MOB3B: variants seen among roughly 807,000 people sequenced by gnomAD.
MOB3B encodes the protein MOB kinase activator 3B, also known as MOB kinase activator-like 2B.
A neutral mutation model predicts 18.7 loss-of-function variants in MOB3B; 7 were observed. The ratio of observed to expected loss-of-function variants is 0.37; its 90% CI spans 0.21 to 0.70. The LOEUF (loss-of-function observed/expected upper bound fraction) is 0.70, where lower values mean the gene tolerates loss of function less well. Among genes scored for constraint, MOB3B ranks in the 30% least tolerant of loss-of-function variants. The pLI, the probability that MOB3B is intolerant of heterozygous loss-of-function variation, is 0.52. For synonymous variants in MOB3B, 111 were observed against 99.9 expected (o/e 1.11, Z -0.66); for missense variants, 253 against 281.3 (o/e 0.90, Z 0.72).
At chr9:27,410,756 T>C (rs1179073865) in intron 2 of MOB3B, among the ~76,000 whole-genome samples, 2 of 152,200 alleles carry the variant, frequency 1.3e-5, no homozygotes, top group Non-Finnish European at 2.9e-5. Flanking sequence ...AGTTATTCTT[T>C]TTTTTTCTGA....
intron 3 of MOB3B, among the ~76,000 whole-genome samples, chr9:27,337,280 T>C (rs560326583): frequency 4.0e-4 from 61 of 152,370 alleles, no homozygotes; most frequent in African/African-American, 1.4e-3. Flanking sequence ...CAAATTCCAC[T>C]TCTTAGAGAC....
intron 3 of MOB3B, chr9:27,358,821 C>T (rs1821229732): frequency 1.3e-6 from 1 of 744,128 alleles, no homozygotes; most frequent in South Asian, 1.4e-5. Flanking sequence ...ATTCTGCCAC[C>T]TCTTGGAGGG....
intron 1 of MOB3B, among the ~76,000 whole-genome samples, chr9:27,492,431 T>A (rs1316047138): frequency 6.6e-6 from 1 of 152,170 alleles, no homozygotes; most frequent in Non-Finnish European, 1.5e-5. Flanking sequence ...CAAAATGTAT[T>A]CCACAGCAAA....
At chr9:27,403,614 C>A (rs1821920073) in intron 2 of MOB3B, among the ~76,000 whole-genome samples, 1 of 146,802 alleles carries the variant, frequency 6.8e-6, no homozygotes, top group Non-Finnish European at 1.5e-5. Flanking sequence ...CTCACTGCAA[C>A]CTCCACCTCC....
intron 2 of MOB3B, among the ~76,000 whole-genome samples, chr9:27,386,498 C>G (rs1587173280): frequency 1.3e-5 from 2 of 152,218 alleles, no homozygotes; most frequent in South Asian, 4.1e-4. Flanking sequence ...TTCTCAGGAA[C>G]AGCACGAATA....
At chr9:27,410,646 C>T (rs1173269832) in intron 2 of MOB3B, among the ~76,000 whole-genome samples, 1 of 152,178 alleles carries the variant, frequency 6.6e-6, no homozygotes, top group East Asian at 1.9e-4. Flanking sequence ...TTTCCAACAA[C>T]ACTTGCTAAT....
chr9:27,350,903 T>A (rs1416747168), intron 3 of MOB3B, among the ~76,000 whole-genome samples: 1 of 148,932 alleles, frequency 6.7e-6, no homozygotes, highest in African/African-American at 2.4e-5. Flanking sequence ...TGGTGGGCTT[T>A]TTTTTTTTTT....
At chr9:27,442,876 A>T (rs932811993) in intron 2 of MOB3B, among the ~76,000 whole-genome samples, 7 of 152,200 alleles carry the variant, frequency 4.6e-5, no homozygotes, top group African/African-American at 1.7e-4. Context: ...GGCCTGTCTC[A>T]TCTGCTACCA....
intron 2 of MOB3B, among the ~76,000 whole-genome samples, chr9:27,385,733 G>A (rs1294842583): frequency 6.6e-6 from 1 of 152,218 alleles, no homozygotes; most frequent in Non-Finnish European, 1.5e-5. Flanking sequence ...TTCTGGCAGA[G>A]AAAACACACT....
chr9:27,382,945 A>G (rs1821599963), intron 2 of MOB3B, among the ~76,000 whole-genome samples: 1 of 152,154 alleles, frequency 6.6e-6, no homozygotes, highest in African/African-American at 2.4e-5. Flanking sequence ...GAAACAAATA[A>G]AACTAACAAG....
At chr9:27,414,365 C>CG (rs1822115876) in intron 2 of MOB3B, among the ~76,000 whole-genome samples, 1 of 152,144 alleles carries the variant, frequency 6.6e-6, no homozygotes, top group Non-Finnish European at 1.5e-5. Flanking sequence ...GCTGTGAACC[C>CG]GGGGGGCTCG....
At chr9:27,508,147 A>C (rs1035726026) in intron 1 of MOB3B, among the ~76,000 whole-genome samples, 2 of 152,204 alleles carry the variant, frequency 1.3e-5, no homozygotes, top group African/African-American at 4.8e-5. Flanking sequence ...CGTACTCAGG[A>C]TATCAAAATC....
chr9:27,519,591 TAG>T (rs1251030625), intron 1 of MOB3B, among the ~76,000 whole-genome samples: 2 of 152,104 alleles, frequency 1.3e-5, no homozygotes, highest in African/African-American at 4.8e-5. Context: ...TATTGCTTAG[TAG>T]AGAGAAAGGT....
At chr9:27,468,682 C>T (rs942942340) in intron 1 of MOB3B, among the ~76,000 whole-genome samples, 4 of 152,140 alleles carry the variant, frequency 2.6e-5, no homozygotes, top group African/African-American at 9.7e-5. Context: ...TAACACAGGA[C>T]CCAGCAGAAA....
intron 2 of MOB3B, among the ~76,000 whole-genome samples, chr9:27,433,409 C>T (rs1182844221): frequency 1.3e-5 from 2 of 152,214 alleles, no homozygotes; most frequent in African/African-American, 4.8e-5. Flanking sequence ...ATGAATTAAG[C>T]CACATAGAGG....
chr9:27,427,813 C>T (rs1822359095), intron 2 of MOB3B, among the ~76,000 whole-genome samples: 1 of 152,160 alleles, frequency 6.6e-6, no homozygotes, highest in South Asian at 2.1e-4. Context: ...CAGAGGTTTC[C>T]TTATCCTCTC....
At chr9:27,412,831 G>A (rs1209533879) in intron 2 of MOB3B, among the ~76,000 whole-genome samples, 2 of 152,186 alleles carry the variant, frequency 1.3e-5, no homozygotes, top group African/African-American at 4.8e-5. Context: ...GTCTACTTCT[G>A]AGTTACACTC....
rs1061832 is a variant in MOB3B at position 27,326,669 on chromosome 9, C to A, written c.*3918G>T. On this transcript the variant is annotated 3_prime_UTR_variant, in exon 4 of 4. Coordinates refer to ENST00000262244, the MANE Select transcript of MOB3B (RefSeq NM_024761.5). ...ACCTCTCAAAGTTTCTTCCACTTAA[C>A]CTGGCTCTGAGACTCTGGGTCTTTG... 0.38 allele frequency: 149,572 copies of A among 397,604 alleles called. 28,600 individuals are homozygous for A. Among genetic ancestry groups the A allele is most frequent in the South Asian group, 0.42 (3,137 of 7,524 alleles). 24.6% of individuals were successfully genotyped at this position (397,604 alleles called of 1,614,324 possible).
chr9:27,373,562 C>T lies in MOB3B; in HGVS notation c.419-14326G>A, dbSNP rs192473881. Among the ~76,000 whole-genome samples the T allele has an allele frequency of 1.5e-4, 23 of 152,288 alleles. No homozygotes were observed. In the East Asian group the frequency reaches 2.7e-3, roughly 18 times the overall value. On this transcript the variant is annotated intron_variant, in intron 2 of 3. Transcript: ENST00000262244. ...CTCATCCCCTCACCCTCTCTATTTTCCCACTTTCTTCCATCTCAACTGCAA... is the reference window on the plus strand; with the variant it reads ...CTCATCCCCTCACCCTCTCTATTTTTCCACTTTCTTCCATCTCAACTGCAA...
Sources: gnomAD v4.1 joint callset for allele counts (sites outside exome capture counted in the v4.1 genomes callset) on GRCh38, gnomAD v4.1.1 for gene constraint, MANE v1.5 for transcripts, NCBI Gene and HGNC (gene_info 2026-07-23, HGNC 2026-07-21) for gene names.